The following PPARGC1A variants were observed in gnomAD, a reference collection of about 807,000 sequenced individuals.
PPARGC1A encodes the protein peroxisome proliferator-activated receptor gamma coactivator 1-alpha.
PPARGC1A carries 25 observed loss-of-function variants against 88.7 expected under a neutral mutation model. That is an observed-to-expected ratio of 0.28 (90% CI 0.21 to 0.39). The LOEUF (loss-of-function observed/expected upper bound fraction) is 0.39, where lower values mean the gene tolerates loss of function less well. PPARGC1A is among the 10% of genes least tolerant of loss of function. The probability of loss-of-function intolerance (pLI) is 1.00; values close to 1 mark genes in which losing one functional copy is unlikely to be tolerated. For missense variants in PPARGC1A, 880 were observed against 968.7 expected, an observed-to-expected ratio of 0.91 and a Z score of 1.22; for synonymous variants, 363 against 355.6, an observed-to-expected ratio of 1.02 and a Z score of -0.24.
chr4:24,167,732 G>T, the PPARGC1A span, among the ~76,000 whole-genome samples: 832 of 152,168 alleles, frequency 5.5e-3, 31 homozygotes, highest in East Asian at 0.098. Flanking sequence ...TTTTTAGCAA[G>T]AAAGATTTTT....
At chr4:24,031,418 C>T in the PPARGC1A span, among the ~76,000 whole-genome samples, 35 of 152,242 alleles carry the variant, frequency 2.3e-4, no homozygotes, top group African/African-American at 7.0e-4. Flanking sequence ...GAATAGGAAG[C>T]GAAGGCTTTT....
chr4:23,815,988 T>C (rs563764558), intron 7 of PPARGC1A, among the ~76,000 whole-genome samples: 21 of 152,276 alleles, frequency 1.4e-4, no homozygotes, highest in African/African-American at 4.8e-4. Context: ...AACAGGAAGA[T>C]GCTGCCTCAC....
chr4:23,797,796 C>T (rs996470929), intron 12 of PPARGC1A, among the ~76,000 whole-genome samples: 1 of 152,096 alleles, frequency 6.6e-6, no homozygotes, highest in African/African-American at 2.4e-5. Context: ...ATTTCTCTCC[C>T]GCTAATGAAA....
At chr4:24,067,105 C>T in the PPARGC1A span, among the ~76,000 whole-genome samples, 1 of 152,046 alleles carries the variant, frequency 6.6e-6, no homozygotes, top group East Asian at 1.9e-4. Context: ...CTTGATAAAA[C>T]TAAAATTACT....
the PPARGC1A span, among the ~76,000 whole-genome samples, chr4:23,917,264 T>G: frequency 2.6e-5 from 4 of 152,212 alleles, no homozygotes; most frequent in Admixed American, 6.5e-5. Flanking sequence ...ATGAAATGTG[T>G]ACATGCTGTA....
chr4:24,124,559 C>A, the PPARGC1A span, among the ~76,000 whole-genome samples: 1 of 152,138 alleles, frequency 6.6e-6, no homozygotes, highest in Non-Finnish European at 1.5e-5. Flanking sequence ...CTAAGCTATG[C>A]GTCTTTGCCG....
At chr4:24,129,156 T>A in the PPARGC1A span, among the ~76,000 whole-genome samples, 1 of 152,212 alleles carries the variant, frequency 6.6e-6, no homozygotes, top group African/African-American at 2.4e-5. Context: ...ATGACAAGAC[T>A]GCACATAATA....
chr4:24,417,556 A>G, the PPARGC1A span, among the ~76,000 whole-genome samples: 1 of 152,208 alleles, frequency 6.6e-6, no homozygotes, highest in Non-Finnish European at 1.5e-5. Context: ...GCACAAAGAT[A>G]CACATTGAAG....
chr4:24,332,238 A>C, the PPARGC1A span, among the ~76,000 whole-genome samples: 1 of 151,872 alleles, frequency 6.6e-6, no homozygotes, highest in South Asian at 2.1e-4. Context: ...TCGGCCTCTC[A>C]AAGTGCTGGG....
At chr4:24,100,358 A>G in the PPARGC1A span, among the ~76,000 whole-genome samples, 35 of 152,168 alleles carry the variant, frequency 2.3e-4, no homozygotes, top group Non-Finnish European at 7.3e-5. Flanking sequence ...CACCCTACCA[A>G]GAAACTGCTT....
At chr4:24,400,828 G>A in the PPARGC1A span, among the ~76,000 whole-genome samples, 2,062 of 152,186 alleles carry the variant, frequency 0.014, 22 homozygotes, top group Non-Finnish European at 0.02. Flanking sequence ...ATTTTTAAAA[G>A]CACCTATGTA....
At chr4:24,190,316 C>T in the PPARGC1A span, among the ~76,000 whole-genome samples, 1 of 152,154 alleles carries the variant, frequency 6.6e-6, no homozygotes, top group Non-Finnish European at 1.5e-5. Flanking sequence ...GAGATCGAGG[C>T]CATCCTGGCT....
At chr4:24,339,995 C>G in the PPARGC1A span, among the ~76,000 whole-genome samples, 1 of 152,104 alleles carries the variant, frequency 6.6e-6, no homozygotes, top group African/African-American at 2.4e-5. Flanking sequence ...CCTCAGTCTC[C>G]CAAAGTGCTG....
the PPARGC1A span, among the ~76,000 whole-genome samples, chr4:24,383,609 G>T: frequency 6.6e-6 from 1 of 152,088 alleles, no homozygotes; most frequent in Non-Finnish European, 1.5e-5. Flanking sequence ...AATCAATCAG[G>T]CAGAAGAAAG....
chr4:24,376,960 T>C, the PPARGC1A span, among the ~76,000 whole-genome samples: 3 of 152,190 alleles, frequency 2.0e-5, no homozygotes, highest in African/African-American at 7.2e-5. Flanking sequence ...AATGGTCAAA[T>C]GGCCTAACCT....
the PPARGC1A span, among the ~76,000 whole-genome samples, chr4:23,999,656 C>T: frequency 6.6e-6 from 1 of 152,152 alleles, no homozygotes. Flanking sequence ...TGGCAGGTAA[C>T]GAGAGGACAG....
rs542133954 is a variant in PPARGC1A at position 23,809,811 on chromosome 4, C to T, written c.2019+2936G>A. Among the ~76,000 whole-genome samples the T allele has an allele frequency of 2.4e-4, 37 of 152,238 alleles. 2 individuals are homozygous for T. The South Asian group carries it at 7.5e-3, about 31-fold the overall frequency. ...CTAAAGGCTACCATATTGGATGCTG[C>T]AGGTGGAGAAAATCTTTGTCCTTTC... On this transcript the variant is annotated intron_variant, in intron 10 of 12. Transcript: ENST00000264867.
At chr4:23,816,372 C>T (rs1721985303) in intron 7 of PPARGC1A, among the ~76,000 whole-genome samples, 1 of 152,196 alleles carries the variant, frequency 6.6e-6, no homozygotes, top group South Asian at 2.1e-4. Context: ...CTTGTTTCCT[C>T]TCTCATAGAT....
chr4:24,412,590 C>T, the PPARGC1A span, among the ~76,000 whole-genome samples: 1 of 152,164 alleles, frequency 6.6e-6, no homozygotes, highest in Non-Finnish European at 1.5e-5. Context: ...AAGCGATTCT[C>T]CTGCCTCAGC....
Sources: gnomAD v4.1 joint callset for allele counts (sites outside exome capture counted in the v4.1 genomes callset) on GRCh38, gnomAD v4.1.1 for gene constraint, MANE v1.5 for transcripts, NCBI Gene and HGNC (gene_info 2026-07-23, HGNC 2026-07-21) for gene names.